Variants in CYRIA observed in about 807,000 individuals in gnomAD.
CYRIA encodes the protein CYFIP related Rac1 interactor A.
A neutral mutation model predicts 43.9 loss-of-function variants in CYRIA; 15 were observed. That is an observed-to-expected ratio of 0.34 (90% CI 0.23 to 0.53). The LOEUF is 0.53. CYRIA is among the 20% of genes least tolerant of loss of function. The probability of loss-of-function intolerance (pLI) is 0.94; values close to 1 mark genes in which losing one functional copy is unlikely to be tolerated. For synonymous variants in CYRIA, 117 were observed against 136.0 expected (o/e 0.86, Z 0.97); for missense variants, 236 against 394.2 (o/e 0.60, Z 3.40).
chr2:16,607,951 G>A (rs776732368), intron 2 of CYRIA, among the ~76,000 whole-genome samples: 25 of 152,154 alleles, frequency 1.6e-4, no homozygotes, highest in Admixed American at 4.6e-4. Context: ...GCCTAAAGAC[G>A]GCCTATCGTT....
chr2:16,591,672 G>T (rs1232862412), intron 2 of CYRIA, among the ~76,000 whole-genome samples: 3 of 152,060 alleles, frequency 2.0e-5, no homozygotes, highest in African/African-American at 7.2e-5. Context: ...CTCTTAATGT[G>T]ACCTGCTGCT....
intron 2 of CYRIA, among the ~76,000 whole-genome samples, chr2:16,621,519 A>C (rs535807731): frequency 2.8e-4 from 43 of 152,282 alleles, no homozygotes; most frequent in Non-Finnish European, 5.6e-4. Flanking sequence ...AAGGAAGGGT[A>C]GAAGAATCTC....
At chr2:16,584,300 T>G (rs1478530244) in intron 3 of CYRIA, among the ~76,000 whole-genome samples, 1 of 152,130 alleles carries the variant, frequency 6.6e-6, no homozygotes, top group Non-Finnish European at 1.5e-5. Flanking sequence ...ACTGCCTGGA[T>G]AGAGCCCGCT....
chr2:16,654,949 T>C (rs769781343), intron 1 of CYRIA, among the ~76,000 whole-genome samples: 2 of 152,224 alleles, frequency 1.3e-5, no homozygotes, highest in Non-Finnish European at 2.9e-5. Context: ...TTAGTTTCTA[T>C]GAGCTACTCA....
At position 16,619,150 on chromosome 2, in the gene CYRIA, C is replaced by A. The variant is rs148371898; in HGVS notation, c.-11+4714G>T. Among the ~76,000 whole-genome samples, 766 of 152,278 alleles carry A rather than the reference C, an allele frequency of 5.0e-3. 2 individuals carry two copies. Among genetic ancestry groups the A allele is most frequent in the Non-Finnish European group, 6.5e-3 (439 of 68,026 alleles). On this transcript the variant is annotated intron_variant, in intron 2 of 11. Transcript: ENST00000381323. ...ACGAAGTGCAGAGATCTTGGCACAA[C>A]TGGGGAAGTGTGCAGGTGAAAGATT...
At chr2:16,580,093 G>T (rs551251869) in intron 3 of CYRIA, among the ~76,000 whole-genome samples, 1 of 152,006 alleles carries the variant, frequency 6.6e-6, no homozygotes, top group Non-Finnish European at 1.5e-5. Flanking sequence ...GACTACAGGT[G>T]CATGCCACCA....
intron 2 of CYRIA, among the ~76,000 whole-genome samples, chr2:16,612,637 G>A (rs565265274): frequency 1.1e-4 from 17 of 152,318 alleles, no homozygotes; most frequent in African/African-American, 3.6e-4. Context: ...ATGATGACAA[G>A]CCTGCAGAAC....
chr2:16,570,774 A>C (rs1273072734), intron 3 of CYRIA, among the ~76,000 whole-genome samples: 2 of 152,186 alleles, frequency 1.3e-5, no homozygotes, highest in Non-Finnish European at 2.9e-5. Context: ...AACAGTCCCC[A>C]CCACACACAC....
At chr2:16,648,597 C>G (rs574767577) in intron 1 of CYRIA, among the ~76,000 whole-genome samples, 45 of 152,340 alleles carry the variant, frequency 3.0e-4, no homozygotes, top group African/African-American at 9.6e-4. Context: ...GTTTATCTCT[C>G]TAGCATGCAG....
intron 1 of CYRIA, among the ~76,000 whole-genome samples, chr2:16,639,028 T>C (rs1483501101): frequency 6.6e-6 from 1 of 152,244 alleles, no homozygotes; most frequent in Non-Finnish European, 1.5e-5. Context: ...CAAGGCTGCA[T>C]ACAGAAAATC....
At chr2:16,561,845 C>T (rs1055883533) in intron 6 of CYRIA, among the ~76,000 whole-genome samples, 160 bp downstream of exon 6, 3 of 152,144 alleles carry the variant, frequency 2.0e-5, no homozygotes, top group African/African-American at 7.2e-5. Context: ...ACTTTTACCA[C>T]ATGGAATGCA....
At chr2:16,627,147 G>A (rs945633003) in intron 1 of CYRIA, among the ~76,000 whole-genome samples, 19 of 152,298 alleles carry the variant, frequency 1.2e-4, no homozygotes, top group African/African-American at 4.3e-4. Flanking sequence ...GCTTCAAACG[G>A]CTGCTGCCTT....
At chr2:16,589,913 T>C (rs1667862417) in intron 2 of CYRIA, among the ~76,000 whole-genome samples, 1 of 152,092 alleles carries the variant, frequency 6.6e-6, no homozygotes, top group Admixed American at 6.5e-5. Flanking sequence ...AGTGAAATAG[T>C]GAGTTTTCTC....
chr2:16,610,895 A>AACATATATAT (rs1553344282), intron 2 of CYRIA, among the ~76,000 whole-genome samples: 1 of 57,712 alleles, frequency 1.7e-5, no homozygotes, highest in South Asian at 6.7e-4. Context: ...TTTTAGTCCC[A>AACATATATAT]ACATATATAT....
chr2:16,656,810 G>C (rs921169607), intron 1 of CYRIA, among the ~76,000 whole-genome samples: 20 of 152,258 alleles, frequency 1.3e-4, no homozygotes, highest in Non-Finnish European at 2.2e-4. Flanking sequence ...CAATGGCCAT[G>C]CTTGGTCAAG....
At chr2:16,631,390 T>C (rs1669326764) in intron 1 of CYRIA, among the ~76,000 whole-genome samples, 1 of 152,188 alleles carries the variant, frequency 6.6e-6, no homozygotes. Flanking sequence ...GTGGCAGAGA[T>C]ACAGTGAGTA....
At chr2:16,568,712 A>G (rs915777913) in intron 3 of CYRIA, among the ~76,000 whole-genome samples, 6 of 152,210 alleles carry the variant, frequency 3.9e-5, no homozygotes, top group African/African-American at 1.4e-4. Context: ...GGAGAAGAAG[A>G]AAAGCAAGAT....
intron 3 of CYRIA, among the ~76,000 whole-genome samples, chr2:16,568,148 T>A (rs1286436152): frequency 6.7e-6 from 1 of 150,328 alleles, no homozygotes; most frequent in Non-Finnish European, 1.5e-5. Context: ...AAGAAAATTC[T>A]CACTGGAGTA....
At chr2:16,654,927 A>G (rs1377057248) in intron 1 of CYRIA, among the ~76,000 whole-genome samples, 1 of 152,202 alleles carries the variant, frequency 6.6e-6, no homozygotes, top group East Asian at 1.9e-4. Context: ...TAGTGATCAC[A>G]CTGTAGCTAT....
Sources: gnomAD v4.1 joint callset for allele counts (sites outside exome capture counted in the v4.1 genomes callset) on GRCh38, gnomAD v4.1.1 for gene constraint, MANE v1.5 for transcripts, NCBI Gene and HGNC (gene_info 2026-07-23, HGNC 2026-07-21) for gene names.